The following PKD2L1 variants were observed in gnomAD, a reference collection of about 807,000 sequenced individuals.
The protein encoded by PKD2L1 is polycystin 2 like 1, transient receptor potential cation channel.
Under a neutral mutation model 93.0 loss-of-function variants are expected in PKD2L1, and 77 were observed. The ratio of observed to expected loss-of-function variants is 0.83; its 90% CI spans 0.69 to 1.00. PKD2L1 has a LOEUF of 1.00. Among genes scored for constraint, PKD2L1 ranks in the 50% least tolerant of loss-of-function variants. The pLI, the probability that PKD2L1 is intolerant of heterozygous loss-of-function variation, is 0.00. For synonymous variants in PKD2L1, 390 were observed against 388.0 expected, an observed-to-expected ratio of 1.01 and a Z score of -0.06; for missense variants, 977 against 990.9, an observed-to-expected ratio of 0.99 and a Z score of 0.19.
chr10:100,326,524 T>C (rs1849383346), intron 2 of PKD2L1, among the ~76,000 whole-genome samples: 1 of 152,170 alleles, frequency 6.6e-6, no homozygotes, highest in African/African-American at 2.4e-5. Flanking sequence ...ATCCCCCAAA[T>C]CTGGGTACAA....
At chr10:100,302,573 G>T (rs1255608673) in intron 2 of PKD2L1, among the ~76,000 whole-genome samples, 1 of 151,696 alleles carries the variant, frequency 6.6e-6, no homozygotes, top group Non-Finnish European at 1.5e-5. Context: ...GCATGGTGTT[G>T]CATGCCTGTA....
At chr10:100,324,048 G>A (rs140582521) in intron 2 of PKD2L1, among the ~76,000 whole-genome samples, 2,312 of 152,196 alleles carry the variant, frequency 0.015, 32 homozygotes, top group Middle Eastern at 0.041. Flanking sequence ...GGCTGGTCTC[G>A]AACTCCTGGC....
chr10:100,301,301 G>A (rs1358359843), intron 2 of PKD2L1, among the ~76,000 whole-genome samples: 2 of 152,118 alleles, frequency 1.3e-5, no homozygotes, highest in African/African-American at 4.8e-5. Context: ...ATCTTAACAG[G>A]GTTCAAGAGC....
chr10:100,300,790 G>A (rs1451693583), intron 2 of PKD2L1, among the ~76,000 whole-genome samples: 2 of 152,096 alleles, frequency 1.3e-5, no homozygotes, highest in Admixed American at 1.3e-4. Flanking sequence ...ACGTGTTTTT[G>A]TGGGGAGACC....
chr10:100,323,338 G>A (rs1430319197), intron 2 of PKD2L1, among the ~76,000 whole-genome samples: 3 of 151,886 alleles, frequency 2.0e-5, no homozygotes, highest in African/African-American at 7.3e-5. Context: ...GCACGATCTC[G>A]GCTCACTGCA....
intron 2 of PKD2L1, among the ~76,000 whole-genome samples, chr10:100,307,783 C>T (rs1589672105): frequency 3.3e-5 from 5 of 152,172 alleles, no homozygotes; most frequent in Admixed American, 6.5e-5. Flanking sequence ...CACCACTGGG[C>T]GTGTCAGCAA....
At chr10:100,314,290 T>A (rs370995380) in intron 2 of PKD2L1, among the ~76,000 whole-genome samples, 2 of 151,960 alleles carry the variant, frequency 1.3e-5, no homozygotes, top group African/African-American at 4.8e-5. Flanking sequence ...CAAGAAGCCA[T>A]AGGCTTGTAC....
intron 14 of PKD2L1, 51 bp downstream of exon 14, chr10:100,289,964 G>A: frequency 6.2e-7 from 1 of 1,609,210 alleles, no homozygotes; most frequent in African/African-American, 1.3e-5. Context: ...TGGAAAAGAT[G>A]GCAGAGTTCA....
At chr10:100,314,855 T>G (rs2133561940) in intron 2 of PKD2L1, among the ~76,000 whole-genome samples, 4 of 151,440 alleles carry the variant, frequency 2.6e-5, no homozygotes. Context: ...GCCAACATGG[T>G]GAAACCCCAT....
Position 100,291,291 on chromosome 10 carries a change from C to A in PKD2L1, c.2007+10G>T. ...CTTACACTGCCTCTCCACCCATCAG[C>A]CCAGCTCACCCTCTCTTCCTCCAGG... On this transcript the variant is annotated intron_variant, in intron 12 of 15. Coordinates refer to ENST00000318222, the MANE Select transcript of PKD2L1 (RefSeq NM_016112.3). 6.2e-7 allele frequency: 1 copy of A among 1,612,454 alleles called. No homozygotes were observed. The highest frequency in any genetic ancestry group is 8.5e-7 in the Non-Finnish European group (1 of 1,179,046).
At chr10:100,320,363 G>A (rs1345081760) in intron 2 of PKD2L1, among the ~76,000 whole-genome samples, 2 of 152,124 alleles carry the variant, frequency 1.3e-5, no homozygotes, top group East Asian at 3.9e-4. Context: ...TGGATTATAG[G>A]TCCACCAGTT....
chr10:100,294,615 T>A lies in PKD2L1; in HGVS notation c.1579A>T (p.Asn527Tyr). The change falls in exon 9 of 16, where the codon AAT becomes TAT. Residue 527 changes from asparagine to tyrosine, a missense_variant. Asn to Tyr is a moderately radical substitution (Grantham distance 143, BLOSUM62 -2). Coordinates refer to ENST00000318222, the MANE Select transcript of PKD2L1 (RefSeq NM_016112.3). ...FRIILGDFDY[N>Y]AIDNANRILG... is the part of the protein sequence containing the mutation. ...ATGCGGTTGGCATTGTCGATAGCAT[T>A]GTAGTCAAAGTCCCCGAGGATTATC... 1 of 1,613,970 alleles carries A rather than the reference T, an allele frequency of 6.2e-7. No individual in the cohort carries two copies. The highest frequency in any genetic ancestry group is 1.3e-5 in the African/African-American group (1 of 74,996).
At chr10:100,306,855 C>CAAAAAAAAAAA (rs61413476) in intron 2 of PKD2L1, among the ~76,000 whole-genome samples, 10,664 of 49,016 alleles carry the variant, frequency 0.22, 1,843 homozygotes, top group East Asian at 0.34. Flanking sequence ...GAGACCCTGT[C>CAAAAAAAAAAA]AAAAAAAAAA....
At chr10:100,289,564 TA>T (rs1383473690) in intron 14 of PKD2L1, among the ~76,000 whole-genome samples, 1 of 151,332 alleles carries the variant, frequency 6.6e-6, no homozygotes, top group Non-Finnish European at 1.5e-5. Flanking sequence ...ATAAATAAAA[TA>T]AAAAAATAAA....
In PKD2L1 at chr10:100,303,199, GT is replaced by G. The variant is rs1007875774; in HGVS notation, c.350-3482del. On this transcript the variant is annotated intron_variant, in intron 2 of 15. Transcript: ENST00000318222. ...CATAATTACATCAAACTGTTTTTTT[GT>G]TTTTTTTTTTGAGACGGAGTTTCAC... Among the ~76,000 whole-genome samples the G allele has an allele frequency of 2.1e-4, 29 of 138,734 alleles. 1 individual carries two copies. The highest frequency in any genetic ancestry group is 4.5e-4 in the South Asian group (2 of 4,422). The allele number at this position is 138,734 out of a possible 152,430, so 91.0% of individuals were successfully genotyped here.
chr10:100,321,733 A>AGGG (rs1849242895), intron 2 of PKD2L1, among the ~76,000 whole-genome samples: 1 of 11,506 alleles, frequency 8.7e-5, no homozygotes, highest in Non-Finnish European at 2.0e-4. Context: ...GAAAGAAAGA[A>AGGG]AGAAAGAAAG....
At chr10:100,326,303 C>T (rs751943319) in intron 2 of PKD2L1, among the ~76,000 whole-genome samples, 1 of 152,144 alleles carries the variant, frequency 6.6e-6, no homozygotes, top group Non-Finnish European at 1.5e-5. Flanking sequence ...CCAGACTTGT[C>T]GTCTTTTACC....
At chr10:100,315,008 AAGG>A (rs1230658813) in intron 2 of PKD2L1, among the ~76,000 whole-genome samples, 1 of 10,658 alleles carries the variant, frequency 9.4e-5, no homozygotes, top group Non-Finnish European at 1.4e-4. Context: ...GGAAGGAAGG[AAGG>A]AAGGGAAGGG....
chr10:100,300,337 G>C (rs923611204), intron 2 of PKD2L1, among the ~76,000 whole-genome samples: 3 of 151,890 alleles, frequency 2.0e-5, no homozygotes, highest in Admixed American at 6.6e-5. Flanking sequence ...GATCAAAAAA[G>C]ACCTAGGAGC....
Sources: allele counts gnomAD v4.1 joint callset (sites outside exome capture counted in the v4.1 genomes callset), GRCh38; gene constraint gnomAD v4.1.1; transcripts MANE v1.5; gene names NCBI Gene and HGNC (gene_info 2026-07-23, HGNC 2026-07-21).